P3H4: variants seen among roughly 807,000 people sequenced by gnomAD.
The protein encoded by P3H4 is endoplasmic reticulum protein SC65.
P3H4 carries 47 observed loss-of-function variants against 52.9 expected under a neutral mutation model. The ratio of observed to expected loss-of-function variants is 0.89; its 90% CI spans 0.70 to 1.13. The LOEUF (loss-of-function observed/expected upper bound fraction) is 1.13, where lower values mean the gene tolerates loss of function less well. Ranked by LOEUF, P3H4 falls within the 50% of genes most tolerant of loss-of-function variation. The probability of loss-of-function intolerance (pLI) is 0.00; values close to 1 mark genes in which losing one functional copy is unlikely to be tolerated. For missense variants in P3H4, 585 were observed against 611.0 expected, an observed-to-expected ratio of 0.96 and a Z score of 0.45; for synonymous variants, 256 against 267.9, an observed-to-expected ratio of 0.96 and a Z score of 0.44.
At chr17:41,804,187 G>A (rs1329928051) in intron 6 of P3H4, among the ~76,000 whole-genome samples, 8 of 151,702 alleles carry the variant, frequency 5.3e-5, no homozygotes, top group Non-Finnish European at 8.8e-5. Context: ...TTCTGACCTC[G>A]TGATCCGCCC....
At position 41,811,477 on chromosome 17, in the gene P3H4, A is replaced by G; in HGVS notation, c.439T>C (p.Tyr147His). The part of the protein sequence containing the change: ...RDFQSRLPYQ[Y>H]LHYALFKANR... ...ACCTTGAACAGCGCGTAGTGCAGGT[A>G]CTGGTAGGGCAGGCGGCTCTGGAAG... Residue 147 changes from tyrosine to histidine, a missense_variant, in exon 1 of 8, where the codon TAC (tyrosine) becomes CAC (histidine). Physicochemically the swap from Tyr to His is moderately conservative, Grantham distance 83. Coordinates refer to ENST00000393928, the MANE Select transcript of P3H4 (RefSeq NM_006455.3). The surrounding 1 kb of genome is among the most constrained non-coding windows in gnomAD (Gnocchi z 4.8). The G allele has an allele frequency of 6.2e-7, 1 of 1,612,252 alleles. No individual in the cohort carries two copies. The highest frequency in any genetic ancestry group is 8.5e-7 in the Non-Finnish European group (1 of 1,179,728).
intron 6 of P3H4, 99 bp from the exon 7 acceptor site, chr17:41,803,530 C>T: frequency 9.1e-7 from 1 of 1,099,188 alleles, no homozygotes; most frequent in Non-Finnish European, 1.3e-6. Context: ...TCCCATCTCT[C>T]GGTCCCCAAA....
At position 41,810,961 on chromosome 17, in the gene P3H4, G is replaced by T. The variant is rs369845186; in HGVS notation, c.689C>A (p.Ala230Asp). The T allele has an allele frequency of 1.9e-6, 3 of 1,614,058 alleles. No individual in the cohort carries two copies. In the African/African-American group the frequency reaches 4.0e-5, roughly 22 times the overall value. ...AAAGACTGCCAGGTACTCTGACAAGGCCCGCTCCATGTCCTCCGTGCTGCT... is the reference window on the plus strand; with the variant it reads ...AAAGACTGCCAGGTACTCTGACAAGTCCCGCTCCATGTCCTCCGTGCTGCT... ...FRSSTEDMER[A>D]LSEYLAVFAR... Residue 230 changes from alanine to aspartate, a missense_variant, in exon 3 of 8, where the codon GCC becomes GAC. By Grantham distance (126) the Ala-to-Asp change is moderately radical. Transcript: ENST00000393928.
intron 7 of P3H4, 145 bp downstream of exon 7, chr17:41,803,142 G>C: frequency 7.0e-7 from 1 of 1,426,740 alleles, no homozygotes; most frequent in Non-Finnish European, 9.5e-7. Context: ...GCGGGACAGG[G>C]GTTGCCAACA....
rs782066408 is a variant in P3H4 at position 41,810,940 on chromosome 17, A to G, written c.710T>C (p.Val237Ala). 5.6e-6 allele frequency: 9 copies of G among 1,613,994 alleles called. No homozygotes were observed. The highest frequency in any genetic ancestry group is 7.6e-6 in the Non-Finnish European group (9 of 1,180,020). ...ACAGCCGGCCAGGCACCGGGCAAAG[A>G]CTGCCAGGTACTCTGACAAGGCCCG... The part of the protein sequence containing the change: ...MERALSEYLA[V>A]FARCLAGCEG... The change falls in exon 3 of 8, where the codon GTC becomes GCC. Residue 237 changes from valine to alanine, a missense_variant. Physicochemically the swap from Val to Ala is moderately conservative, Grantham distance 64. Transcript: ENST00000393928.
At chr17:41,803,035 G>A (rs1476524393) in intron 7 of P3H4, 56 bp from the exon 8 acceptor site, 1 of 1,592,668 alleles carries the variant, frequency 6.3e-7, no homozygotes, top group Non-Finnish European at 8.5e-7. Flanking sequence ...CCCAATGGGT[G>A]TCCAGGTGCT....
At chr17:41,810,180 T>C (rs1555614764) in intron 3 of P3H4, among the ~76,000 whole-genome samples, 1 of 148,472 alleles carries the variant, frequency 6.7e-6, no homozygotes, top group East Asian at 2.0e-4. Context: ...TTTTTTTTTT[T>C]TTTTTTTTTT....
chr17:41,810,758 C>G (rs1443610124), intron 3 of P3H4, 105 bp downstream of exon 3: 1 of 1,388,068 alleles, frequency 7.2e-7, no homozygotes, highest in Non-Finnish European at 9.7e-7. Context: ...TTCCTCCCGG[C>G]TGGCTCCTCC....
chr17:41,806,931 T>C (rs1324845332), intron 5 of P3H4, 52 bp from the exon 6 acceptor site: 1 of 1,446,186 alleles, frequency 6.9e-7, no homozygotes, highest in East Asian at 2.3e-5. Flanking sequence ...TGTTGCCAGA[T>C]GGCAAGAAGC....
chr17:41,806,833 AGCAGCTCCC>A lies in P3H4; in HGVS notation c.1100_1108del (p.Arg367_Leu369del), dbSNP rs782437388. 1 of 1,613,866 alleles carries A rather than the reference AGCAGCTCCC, an allele frequency of 6.2e-7. No individual in the cohort carries two copies. The highest frequency in any genetic ancestry group is 8.5e-7 in the Non-Finnish European group (1 of 1,179,986). ...CTGCAGGTACATGTGGGTGAACTCC[AGCAGCTCCC>A]GCAGCTCGGCGGTCTGGTTGTGGTA... On this transcript the variant is annotated inframe_deletion, in exon 6 of 8. Transcript: ENST00000393928.
At chr17:41,805,245 C>G (rs557710307) in intron 6 of P3H4, among the ~76,000 whole-genome samples, 2 of 151,538 alleles carry the variant, frequency 1.3e-5, no homozygotes, top group African/African-American at 4.8e-5. Context: ...GCTGAGATCA[C>G]GCCACTGCAC....
Position 41,811,153 on chromosome 17 carries a change from G to A in P3H4, c.594C>T (p.Asp198=). Residue 198 remains aspartate (D), a synonymous_variant, in exon 2 of 8, where the codon GAC becomes GAT. Coordinates refer to ENST00000393928, the MANE Select transcript of P3H4 (RefSeq NM_006455.3). This position sits in a 1 kb window ranked among gnomAD's most constrained non-coding sequence, Gnocchi z 4.8. ...CCACCTCGTAGGGCTGGGCCTCTAG[G>A]TCCGTGAGGGACTCGTCGGCGACGT... is the stretch of plus-strand genomic sequence containing the variant. ...MLDVADESLT[D]LEAQPYEAVF... is the part of the protein sequence containing the mutation. 1 of 1,614,206 alleles carries A rather than the reference G, an allele frequency of 6.2e-7. No individual in the cohort carries two copies. Among genetic ancestry groups the A allele is most frequent in the Non-Finnish European group, 8.5e-7 (1 of 1,180,034 alleles).
chr17:41,808,086 C>A, intron 4 of P3H4, 82 bp from the exon 5 acceptor site: 2 of 1,512,286 alleles, frequency 1.3e-6, no homozygotes, highest in South Asian at 2.6e-5. Context: ...TCCAGCACCC[C>A]TGCTACCCAG....
At chr17:41,810,631 T>C (rs782785522) in intron 3 of P3H4, 5 of 531,198 alleles carry the variant, frequency 9.4e-6, no homozygotes, top group Admixed American at 6.7e-5. Flanking sequence ...GGAAGGCCTA[T>C]GAACCCAAGC....
rs1490354740 is a variant in P3H4 at position 41,811,213 on chromosome 17, G to T, written c.534C>A (p.Thr178=). The T allele has an allele frequency of 1.2e-6, 2 of 1,614,000 alleles. No individual in the cohort carries two copies. Among genetic ancestry groups the T allele is most frequent in the African/African-American group, 2.7e-5 (2 of 74,942 alleles). The part of the protein sequence containing the change: ...FLQRNPKHEL[T]AKYLNYYQGM... ...CCTGATAGTAGTTGAGATACTTGGC[G>T]GTCAGCTCGTGCTTCGGGTTCCTCT... Residue 178 remains threonine (T), a synonymous_variant, in exon 2 of 8, where the codon ACC becomes ACA. Coordinates refer to ENST00000393928, the MANE Select transcript of P3H4 (RefSeq NM_006455.3). This position sits in a 1 kb window ranked among gnomAD's most constrained non-coding sequence, Gnocchi z 4.8.
In P3H4 at chr17:41,811,882, G is replaced by A; in HGVS notation, c.34C>T (p.Leu12=). 6.5e-7 allele frequency: 1 copy of A among 1,529,020 alleles called. No individual in the cohort carries two copies. The highest frequency in any genetic ancestry group is 1.4e-5 in the African/African-American group (1 of 70,242). 94.7% of individuals were successfully genotyped at this position (1,529,020 alleles called of 1,614,324 possible). The part of the protein sequence containing the change: ...ARVAWGLLWL[L]LGSAGAQYEK... ...TACTGCGCCCCGGCGCTGCCCAGCA[G>A]CAACCACAGCAGCCCCCACGCCACC... is the stretch of plus-strand genomic sequence containing the variant. The change falls in exon 1 of 8, where the codon CTG becomes TTG. Residue 12 remains leucine (L), a synonymous_variant. Transcript: ENST00000393928. The surrounding 1 kb of genome is among the most constrained non-coding windows in gnomAD (Gnocchi z 4.8).
At chr17:41,808,428 C>T (rs560367133) in intron 4 of P3H4, among the ~76,000 whole-genome samples, 3 of 152,272 alleles carry the variant, frequency 2.0e-5, no homozygotes, top group East Asian at 1.9e-4. Flanking sequence ...TGTTCTGTCA[C>T]CCAGGTTGGA....
intron 7 of P3H4, 22 bp downstream of exon 7, chr17:41,803,265 C>G: frequency 1.2e-6 from 2 of 1,606,638 alleles, no homozygotes; most frequent in Admixed American, 1.7e-5. Flanking sequence ...ATCCCCACCC[C>G]CCAAGGACTC....
Position 41,811,090 on chromosome 17 carries a change from C to CTA in P3H4, c.615+40_615+41dup, listed in dbSNP as rs782122255. 3 of 1,612,370 alleles carry CTA rather than the reference C, an allele frequency of 1.9e-6. No homozygotes were observed. The Admixed American group carries it at 5.0e-5, about 27-fold the overall frequency. ...CGCCCCCAACATCTCCCCTCCTCTACTAGCCCTCCTCTACAAGCCTCCTCC... is the reference window on the plus strand; with the variant it reads ...CGCCCCCAACATCTCCCCTCCTCTACTATAGCCCTCCTCTACAAGCCTCCTCC... On this transcript the variant is annotated intron_variant, in intron 2 of 7. Transcript: ENST00000393928. The surrounding 1 kb of genome is among the most constrained non-coding windows in gnomAD (Gnocchi z 4.8).
Sources: allele counts gnomAD v4.1 joint callset (sites outside exome capture counted in the v4.1 genomes callset), GRCh38; gene constraint gnomAD v4.1.1; non-coding constraint Gnocchi (gnomAD v3.1); transcripts MANE v1.5; gene names NCBI Gene and HGNC (gene_info 2026-07-23, HGNC 2026-07-21).